Variants in TRIM72 observed in about 807,000 individuals in gnomAD.
The protein encoded by TRIM72 is tripartite motif-containing protein 72.
Under a neutral mutation model 31.6 loss-of-function variants are expected in TRIM72, and 33 were observed. The observed-to-expected ratio is 1.04, with a 90% confidence interval of 0.79 to 1.40. The LOEUF (loss-of-function observed/expected upper bound fraction) is 1.40. Ranked by LOEUF, TRIM72 falls within the 40% of genes most tolerant of loss-of-function variation. The probability of loss-of-function intolerance (pLI) is 0.00; values close to 1 mark genes in which losing one functional copy is unlikely to be tolerated. For synonymous variants in TRIM72, 301 were observed against 314.4 expected (o/e 0.96, Z 0.45); for missense variants, 666 against 682.7 (o/e 0.98, Z 0.27).
At position 31,219,387 on chromosome 16, in the gene TRIM72, G is replaced by A. The variant is rs117857886; in HGVS notation, c.585G>A (p.Glu195=). 5 of 1,614,130 alleles carry A rather than the reference G, an allele frequency of 3.1e-6. No homozygotes were observed. The East Asian group carries it at 1.1e-4, about 36-fold the overall frequency. The change falls in exon 4 of 7, where the codon GAG becomes GAA. Residue 195 remains glutamate (E), a synonymous_variant. Transcript: ENST00000322122. The surrounding 1 kb of genome is among the most constrained non-coding windows in gnomAD (Gnocchi z 4.2). ...AGGGCTCCTTGGACCGCGAGGCAGA[G>A]CGTGTACGGGGTGAGGCAGGGGTCG... ...ALEGSLDREA[E]RVRGEAGVAL...
At chr16:31,220,950 G>T (rs746559123) in intron 5 of TRIM72, 32 bp downstream of exon 5, 1 of 1,613,930 alleles carries the variant, frequency 6.2e-7, no homozygotes, top group Non-Finnish European at 8.5e-7. Flanking sequence ...CCCTTTGCCC[G>T]ACTTGTCCCA....
chr16:31,221,927 G>C (rs563462589), intron 5 of TRIM72, among the ~76,000 whole-genome samples: 2 of 151,178 alleles, frequency 1.3e-5, no homozygotes, highest in East Asian at 2.0e-4. Flanking sequence ...GTGTTGCTGG[G>C]AGAAGGGCAT....
Position 31,219,057 on chromosome 16 carries a change from G to A in TRIM72, c.391-38G>A, listed in dbSNP as rs905041555. 13 of 1,541,980 alleles carry A rather than the reference G, an allele frequency of 8.4e-6. No individual in the cohort carries two copies. Among genetic ancestry groups the A allele is most frequent in the African/African-American group, 4.1e-5 (3 of 72,940 alleles). On this transcript the variant is annotated intron_variant, in intron 2 of 6. Transcript: ENST00000322122. This position sits in a 1 kb window ranked among gnomAD's most constrained non-coding sequence, Gnocchi z 4.2. ...GATGGGAGGTGTGGGTTTTGGGTGG[G>A]TGGCATCCCCATCACTTCTCCATGC...
rs577285903 is a variant in TRIM72 at position 31,223,404 on chromosome 16, G to T, written c.859+459G>T. On this transcript the variant is annotated intron_variant, in intron 6 of 6. Transcript: ENST00000322122. ...TTCCTCCCCCCAAGAGCTGGATGAT[G>T]CAGGTTACAGAGCTCTGGGACATAC... Among the ~76,000 whole-genome samples the T allele has an allele frequency of 2.4e-4, 37 of 152,338 alleles. 1 individual carries two copies. Among genetic ancestry groups the T allele is most frequent in the Admixed American group, 4.6e-4 (7 of 15,296 alleles).
In TRIM72 at chr16:31,216,666, G is replaced by C; in HGVS notation, c.390+1538G>C. 2.1e-6 allele frequency: 3 copies of C among 1,445,546 alleles called. No homozygotes were observed. Among genetic ancestry groups the C allele is most frequent in the Non-Finnish European group, 2.8e-6 (3 of 1,068,132 alleles). 89.5% of individuals were successfully genotyped at this position (1,445,546 alleles called of 1,614,324 possible). ...CCCCAGGAGGGACCCTGAAGGAGGG[G>C]AACAGGAAGGCTCTGGGCGGGACCT... On this transcript the variant is annotated intron_variant, in intron 2 of 6. Transcript: ENST00000322122. This position sits in a 1 kb window ranked among gnomAD's most constrained non-coding sequence, Gnocchi z 6.7.
At chr16:31,214,698 CGG>C (rs2079498280) in intron 1 of TRIM72, 32 bp from the exon 2 acceptor site, 2 of 1,498,006 alleles carry the variant, frequency 1.3e-6, no homozygotes, top group Non-Finnish European at 1.8e-6. Context: ...CGCGGCGCCG[CGG>C]GGTCCCCCTA....
chr16:31,219,479 T>A lies in TRIM72; in HGVS notation c.677T>A (p.Leu226Gln). The change falls in exon 4 of 7, where the codon CTG becomes CAG. Residue 226 changes from leucine to glutamine, a missense_variant. Physicochemically the swap from Leu to Gln is moderately radical, Grantham distance 113 (BLOSUM62 -2). Coordinates refer to ENST00000322122, the MANE Select transcript of TRIM72 (RefSeq NM_001008274.4). The surrounding 1 kb of genome is among the most constrained non-coding windows in gnomAD (Gnocchi z 4.2). ...CAGCTGCGGCAGATGGAGAAGGTCC[T>A]GGAGGAGGTGGCGGACAAGCCGCAG... ...LEQLRQMEKV[L>Q]EEVADKPQTE... 1 of 1,611,180 alleles carries A rather than the reference T, an allele frequency of 6.2e-7. No individual in the cohort carries two copies. The highest frequency in any genetic ancestry group is 8.5e-7 in the Non-Finnish European group (1 of 1,179,074).
rs7186832 is a variant in TRIM72, at chr16:31,219,142, C to T, written c.438C>T (p.Arg146=). ...TGCAGCTGCAGGAGGCATGCATGCGCAAGGAGAAGAGTGTGGCTGTGCTGG... is the reference window on the plus strand; with the variant it reads ...TGCAGCTGCAGGAGGCATGCATGCGTAAGGAGAAGAGTGTGGCTGTGCTGG... ...QKLQLQEACM[R]KEKSVAVLEH... is the part of the protein sequence containing the mutation. The change falls in exon 3 of 7, where the codon CGC becomes CGT. Residue 146 remains arginine, a synonymous_variant. Transcript: ENST00000322122. This position sits in a 1 kb window ranked among gnomAD's most constrained non-coding sequence, Gnocchi z 4.2. The T allele has an allele frequency of 0.66, 1,053,418 of 1,603,110 alleles. 351,019 individuals carry two copies. The highest frequency in any genetic ancestry group is 0.79 in the East Asian group (35,121 of 44,464).
At position 31,224,418 on chromosome 16, in the gene TRIM72, C is replaced by G; in HGVS notation, c.1097C>G (p.Ala366Gly). The G allele has an allele frequency of 7.0e-7, 1 of 1,419,824 alleles. No individual in the cohort carries two copies. Among genetic ancestry groups the G allele is most frequent in the South Asian group, 1.5e-5 (1 of 65,232 alleles). The allele number at this position is 1,419,824 out of a possible 1,614,324, so 88.0% of individuals were successfully genotyped here. ...GCGCTGGGCGTGATCGCGGCCGAGG[C>G]CCCCCGCCGCGGGCGCCTGCACGCG... ...RWALGVIAAE[A>G]PRRGRLHAVP... Residue 366 changes from alanine (A) to glycine (G), a missense_variant, in exon 7 of 7, where the codon GCC (alanine) becomes GGC (glycine). By Grantham distance (60) the Ala-to-Gly change is moderately conservative (BLOSUM62 0). Transcript: ENST00000322122.
At chr16:31,223,935 A>G (rs1264921089) in intron 6 of TRIM72, among the ~76,000 whole-genome samples, 2 of 152,072 alleles carry the variant, frequency 1.3e-5, no homozygotes, top group Admixed American at 1.3e-4. Flanking sequence ...ACAAAAAACA[A>G]CAACAATAAC....
At chr16:31,218,220 G>C (rs1368341537) in intron 2 of TRIM72, among the ~76,000 whole-genome samples, 1 of 152,130 alleles carries the variant, frequency 6.6e-6, no homozygotes, top group Non-Finnish European at 1.5e-5. Context: ...GAGGGGATCA[G>C]GGAAGGCAAG....
chr16:31,223,641 C>T (rs751874948), intron 6 of TRIM72, among the ~76,000 whole-genome samples: 10 of 152,210 alleles, frequency 6.6e-5, no homozygotes, highest in Middle Eastern at 3.4e-3. Flanking sequence ...CGGTGGCTCA[C>T]GCTTGTAATC....
chr16:31,214,798 G>A lies in TRIM72; in HGVS notation c.60G>A (p.Leu20=). The A allele has an allele frequency of 6.3e-7, 1 of 1,580,760 alleles. No homozygotes were observed. The highest frequency in any genetic ancestry group is 1.4e-5 in the African/African-American group (1 of 72,940). ...TGTCCTGCCCGCTGTGCCTGCAGCT[G>A]TTCGACGCGCCCGTGACAGCCGAGT... ...QELSCPLCLQ[L]FDAPVTAECG... Residue 20 remains leucine, a synonymous_variant, in exon 2 of 7, where the codon CTG becomes CTA. Transcript: ENST00000322122.
intron 2 of TRIM72, among the ~76,000 whole-genome samples, chr16:31,218,419 A>T (rs1567493724): frequency 6.6e-6 from 1 of 152,286 alleles, no homozygotes; most frequent in Admixed American, 6.5e-5. Flanking sequence ...GTGGTGGCTC[A>T]TGTCTAATCC....
chr16:31,217,350 G>A (rs1647287581), intron 2 of TRIM72: 1 of 319,706 alleles, frequency 3.1e-6, no homozygotes, highest in African/African-American at 2.1e-5. Flanking sequence ...CAGCAAAGAA[G>A]TGGCTTTGTA....
In TRIM72 at chr16:31,224,821, C is replaced by T; in HGVS notation, c.*66C>T. 7.2e-7 allele frequency: 1 copy of T among 1,389,404 alleles called. No homozygotes were observed. Among genetic ancestry groups the T allele is most frequent in the Non-Finnish European group, 9.3e-7 (1 of 1,071,776 alleles). The allele number at this position is 1,389,404 out of a possible 1,614,324, so 86.1% of individuals were successfully genotyped here. ...GAAGCTTAGGTCTCCTTGGTCGGGT[C>T]TGACGGGAGAAGGGTGGGGAGCGGG... is the stretch of plus-strand genomic sequence containing the variant. On this transcript the variant is annotated 3_prime_UTR_variant, in exon 7 of 7. Transcript: ENST00000322122.
In TRIM72 at chr16:31,214,846, C is replaced by T. The variant is rs749841928; in HGVS notation, c.108C>T (p.Ala36=). The T allele has an allele frequency of 6.5e-6, 10 of 1,546,050 alleles. No homozygotes were observed. Among genetic ancestry groups the T allele is most frequent in the South Asian group, 1.2e-5 (1 of 85,320 alleles). ...AGTGCGGCCACAGTTTCTGCCGCGC[C>T]TGCCTAGGCCGCGTGGCCGGGGAGC... ...TAECGHSFCR[A]CLGRVAGEPA... is the part of the protein sequence containing the mutation. The change falls in exon 2 of 7, where the codon GCC becomes GCT. Residue 36 remains alanine, a synonymous_variant. Transcript: ENST00000322122.
intron 2 of TRIM72, chr16:31,217,091 AG>A (rs879408321): frequency 2.2e-5 from 34 of 1,517,430 alleles, no homozygotes; most frequent in Non-Finnish European, 3.0e-5. Context: ...CCTTTCCTGC[AG>A]CAGGTGGAGC....
rs527336616 is a variant in TRIM72 at position 31,226,081 on chromosome 16, G to C, written c.*1326G>C. 1.3e-5 allele frequency: 2 copies of C among 152,100 alleles called. No individual in the cohort carries two copies. The highest frequency in any genetic ancestry group is 4.1e-4 in the South Asian group (2 of 4,822). 9.4% of individuals were successfully genotyped at this position (152,100 alleles called of 1,614,324 possible). ...GGCCTTCCAAGTGCTGGGATTACAG[G>C]TGTGAGCCACCACGCCCTGCCAAAA... On this transcript the variant is annotated 3_prime_UTR_variant, in exon 7 of 7. Coordinates refer to ENST00000322122, the MANE Select transcript of TRIM72 (RefSeq NM_001008274.4).
Sources: gnomAD v4.1 joint callset for allele counts (sites outside exome capture counted in the v4.1 genomes callset) on GRCh38, gnomAD v4.1.1 for gene constraint, Gnocchi (gnomAD v3.1) non-coding constraint, MANE v1.5 for transcripts, NCBI Gene and HGNC (gene_info 2026-07-23, HGNC 2026-07-21) for gene names.